ERBB4: variants seen among roughly 807,000 people sequenced by gnomAD.
The protein encoded by ERBB4 is receptor tyrosine-protein kinase erbB-4.
Under a neutral mutation model 158.0 loss-of-function variants are expected in ERBB4, and 42 were observed. The observed-to-expected ratio is 0.27, with a 90% CI of 0.21 to 0.34. The LOEUF (loss-of-function observed/expected upper bound fraction) is 0.34, where lower values mean the gene tolerates loss of function less well. Among genes scored for constraint, ERBB4 ranks in the 10% least tolerant of loss-of-function variants. The pLI, the probability that ERBB4 is intolerant of heterozygous loss-of-function variation, is 1.00. For synonymous variants in ERBB4, 583 were observed against 558.7 expected, an observed-to-expected ratio of 1.04 and a Z score of -0.61; for missense variants, 1,333 against 1,624.1, an observed-to-expected ratio of 0.82 and a Z score of 3.08.
At chr2:211,592,759 C>T (rs1380938266) in intron 19 of ERBB4, among the ~76,000 whole-genome samples, 1 of 152,130 alleles carries the variant, frequency 6.6e-6, no homozygotes, top group Non-Finnish European at 1.5e-5. Context: ...CGCCTGTAAT[C>T]CCAGCACTTT....
At chr2:211,596,219 A>G (rs78550660) in intron 19 of ERBB4, among the ~76,000 whole-genome samples, 2 of 139,984 alleles carry the variant, frequency 1.4e-5, no homozygotes, top group African/African-American at 2.8e-5. Flanking sequence ...ACTTCACAGC[A>G]AAAAAAAAAA....
At chr2:211,884,931 T>A (rs575378017) in intron 3 of ERBB4, among the ~76,000 whole-genome samples, 1 of 152,280 alleles carries the variant, frequency 6.6e-6, no homozygotes, top group Admixed American at 6.5e-5. Context: ...ATTCTCTTTT[T>A]TTCTGAAAAA....
chr2:212,487,127 T>C (rs1690018927), intron 1 of ERBB4, among the ~76,000 whole-genome samples: 1 of 152,128 alleles, frequency 6.6e-6, no homozygotes, highest in African/African-American at 2.4e-5. Flanking sequence ...GATATTTCTT[T>C]TAATTCTCTG....
chr2:211,759,885 CT>C (rs2075368088), intron 4 of ERBB4, among the ~76,000 whole-genome samples: 1 of 151,420 alleles, frequency 6.6e-6, no homozygotes, highest in Admixed American at 6.6e-5. Context: ...TTGTCATCTG[CT>C]ATTTTCAGTT....
At chr2:212,229,239 C>T (rs544476981) in intron 1 of ERBB4, among the ~76,000 whole-genome samples, 23 of 152,154 alleles carry the variant, frequency 1.5e-4, no homozygotes, top group African/African-American at 5.5e-4. Flanking sequence ...ACTGTAGAAG[C>T]AGATAATTAG....
chr2:211,496,592 ACC>A (rs1050947159), intron 20 of ERBB4, among the ~76,000 whole-genome samples: 1 of 151,692 alleles, frequency 6.6e-6, no homozygotes, highest in Admixed American at 6.6e-5. Context: ...TAATACTACT[ACC>A]CTGACACAGG....
chr2:212,323,728 G>A (rs978191783), intron 1 of ERBB4, among the ~76,000 whole-genome samples: 3 of 150,534 alleles, frequency 2.0e-5, no homozygotes, highest in African/African-American at 7.3e-5. Context: ...ATACTTTTTA[G>A]AATATCGGTT....
intron 12 of ERBB4, among the ~76,000 whole-genome samples, chr2:211,687,803 T>C (rs2072626556): frequency 6.6e-6 from 1 of 152,234 alleles, no homozygotes; most frequent in Admixed American, 6.5e-5. Flanking sequence ...TTCCAAGATC[T>C]CACACCTGTC....
intron 1 of ERBB4, among the ~76,000 whole-genome samples, chr2:212,421,426 C>A (rs779754670): frequency 2.6e-5 from 4 of 152,114 alleles, no homozygotes; most frequent in Non-Finnish European, 5.9e-5. Flanking sequence ...AACAATTCCA[C>A]AATTTCAATT....
At chr2:212,464,187 G>A (rs1267573456) in intron 1 of ERBB4, among the ~76,000 whole-genome samples, 2 of 152,060 alleles carry the variant, frequency 1.3e-5, no homozygotes, top group Non-Finnish European at 2.9e-5. Context: ...TTTAATTATT[G>A]CTTTGAAATC....
chr2:212,274,104 C>T (rs547122636), intron 1 of ERBB4, among the ~76,000 whole-genome samples: 22 of 151,824 alleles, frequency 1.4e-4, no homozygotes, highest in South Asian at 2.1e-4. Context: ...AAGAAAATCA[C>T]GAGAGGAAAA....
intron 20 of ERBB4, among the ~76,000 whole-genome samples, chr2:211,443,677 A>G (rs370447534): frequency 2.6e-4 from 39 of 152,186 alleles, no homozygotes; most frequent in African/African-American, 8.7e-4. Context: ...TTCTGGGACA[A>G]GACTTCCCAA....
chr2:211,420,513 C>T lies in ERBB4; in HGVS notation c.3063G>A (p.Glu1021=), dbSNP rs1466852430. The change falls in exon 25 of 28, where the codon GAG becomes GAA. Residue 1021 remains glutamate (E), a synonymous_variant. Coordinates refer to ENST00000342788, the MANE Select transcript of ERBB4 (RefSeq NM_005235.3). ...TGTTGAAAGCCTGAGGGACCAAGTACTCCTCAGCATCCATCATATCTTCCA... is the reference window on the plus strand; with the variant it reads ...TGTTGAAAGCCTGAGGGACCAAGTATTCCTCAGCATCCATCATATCTTCCA... ...EDLEDMMDAE[E]YLVPQAFNIP... is the part of the protein sequence containing the mutation. 1.2e-6 allele frequency: 2 copies of T among 1,611,956 alleles called. No individual in the cohort carries two copies. The highest frequency in any genetic ancestry group is 1.7e-4 in the Middle Eastern group (1 of 6,052).
At chr2:211,841,791 A>C (rs2077475728) in intron 3 of ERBB4, among the ~76,000 whole-genome samples, 1 of 152,052 alleles carries the variant, frequency 6.6e-6, no homozygotes, top group African/African-American at 2.4e-5. Flanking sequence ...AGAATTACCA[A>C]TTGTATTTGA....
intron 1 of ERBB4, among the ~76,000 whole-genome samples, chr2:212,206,589 C>CTTTTCTTTTTTTTTTTTTTTTTTTTTT (rs2082754707): frequency 1.1e-4 from 13 of 116,446 alleles, no homozygotes; most frequent in Admixed American, 8.0e-4. Flanking sequence ...CTGTTCTGTT[C>CTTTTCTTTTTTTTTTTTTTTTTTTTTT]TTTTTTTTTT....
At position 212,195,720 on chromosome 2, in the gene ERBB4, A is replaced by G. The variant is rs961119375; in HGVS notation, c.83-70817T>C. ...CAAAAACATGGCTTACCATATCCCT[A>G]TACTTAATCTGTATAAATAATATTA... is the stretch of plus-strand genomic sequence containing the variant. On this transcript the variant is annotated intron_variant, in intron 1 of 27. Transcript: ENST00000342788. 3.3e-5 allele frequency among the ~76,000 whole-genome samples: 5 copies of G among 152,086 alleles called. 1 individual carries two copies. The highest frequency in any genetic ancestry group is 9.7e-5 in the African/African-American group (4 of 41,438).
chr2:211,481,605 A>C (rs1332044945), intron 20 of ERBB4, among the ~76,000 whole-genome samples: 3 of 151,926 alleles, frequency 2.0e-5, no homozygotes, highest in Non-Finnish European at 4.4e-5. Context: ...TAATATATGA[A>C]TATATGATCA....
At chr2:211,477,630 A>G (rs938280790) in intron 20 of ERBB4, among the ~76,000 whole-genome samples, 1 of 152,040 alleles carries the variant, frequency 6.6e-6, no homozygotes, top group African/African-American at 2.4e-5. Context: ...TGTTTTGTAT[A>G]TTTTTCTAGA....
At chr2:211,541,973 T>C (rs1001973933) in intron 20 of ERBB4, among the ~76,000 whole-genome samples, 13 of 151,952 alleles carry the variant, frequency 8.6e-5, no homozygotes, top group Admixed American at 6.6e-5. Flanking sequence ...AAACCAAAGA[T>C]GTAATAAATA....
Sources: gnomAD v4.1 joint callset for allele counts (sites outside exome capture counted in the v4.1 genomes callset) on GRCh38, gnomAD v4.1.1 for gene constraint, MANE v1.5 for transcripts, NCBI Gene and HGNC (gene_info 2026-07-23, HGNC 2026-07-21) for gene names.